The following STK24 variants were observed in gnomAD, a reference collection of about 807,000 sequenced individuals.
STK24 encodes serine/threonine kinase 24.
STK24 carries 21 observed loss-of-function variants against 55.6 expected under a neutral mutation model. The observed-to-expected ratio is 0.38, with a 90% CI of 0.27 to 0.54. The LOEUF (loss-of-function observed/expected upper bound fraction) is 0.54. Ranked by LOEUF, STK24 falls within the 20% of genes least tolerant of loss-of-function variation. The probability of loss-of-function intolerance (pLI) is 0.79; values close to 1 mark genes in which losing one functional copy is unlikely to be tolerated. For missense variants in STK24, 383 were observed against 538.4 expected, an observed-to-expected ratio of 0.71 and a Z score of 2.86; for synonymous variants, 200 against 215.2, an observed-to-expected ratio of 0.93 and a Z score of 0.62.
chr13:98,445,848 G>A lies in STK24; in HGVS notation c.*7325C>T. On this transcript the variant is annotated 3_prime_UTR_variant, in exon 11 of 11. Transcript: ENST00000539966. ...TGTGTTCTAAGGTACTGGTAGTCAG[G>A]ACCTCAACGTGTCTTTTGGGGGGAC... 5.2e-6 allele frequency: 2 copies of A among 386,760 alleles called. 1 individual carries two copies. The highest frequency in any genetic ancestry group is 5.4e-5 in the South Asian group (2 of 37,098). 24.0% of individuals were successfully genotyped at this position (386,760 alleles called of 1,614,324 possible).
chr13:98,482,356 A>C, intron 2 of STK24, 35 bp from the exon 3 acceptor site: 1 of 1,366,804 alleles, frequency 7.3e-7, no homozygotes, highest in Non-Finnish European at 1.0e-6. Flanking sequence ...ATCATTTTCA[A>C]AATGAATCCA....
chr13:98,559,639 A>T (rs1224315811), intron 1 of STK24, among the ~76,000 whole-genome samples: 2 of 152,224 alleles, frequency 1.3e-5, no homozygotes, highest in Non-Finnish European at 2.9e-5. Flanking sequence ...AAAATAGCAA[A>T]GATCTTTACA....
At chr13:98,461,054 A>AAGAGAGAG (rs71292876) in intron 8 of STK24, among the ~76,000 whole-genome samples, 6 of 143,750 alleles carry the variant, frequency 4.2e-5, no homozygotes, top group Non-Finnish European at 6.1e-5. Flanking sequence ...AAAAAAAAAA[A>AAGAGAGAG]AGAGAGAGAG....
intron 1 of STK24, among the ~76,000 whole-genome samples, chr13:98,562,500 A>G (rs1371996520): frequency 7.9e-5 from 12 of 152,232 alleles, no homozygotes; most frequent in Non-Finnish European, 1.6e-4. Flanking sequence ...ATAAAATGAC[A>G]AACTCAAGAA....
chr13:98,514,252 C>T (rs1192825422), intron 2 of STK24, among the ~76,000 whole-genome samples: 17 of 152,232 alleles, frequency 1.1e-4, no homozygotes, highest in African/African-American at 7.2e-5. Context: ...ACAGCAGCCT[C>T]GTTCATGGAG....
intron 1 of STK24, among the ~76,000 whole-genome samples, chr13:98,567,872 C>G (rs1897626719): frequency 7.0e-6 from 1 of 143,794 alleles, no homozygotes; most frequent in African/African-American, 2.7e-5. Context: ...CACCACATAC[C>G]TGAAACAGAG....
chr13:98,550,544 C>A (rs563424571), intron 1 of STK24, among the ~76,000 whole-genome samples: 2 of 152,114 alleles, frequency 1.3e-5, no homozygotes, highest in Admixed American at 1.3e-4. Flanking sequence ...ACAACAACAA[C>A]AAAAAGGAAT....
intron 2 of STK24, among the ~76,000 whole-genome samples, chr13:98,485,783 T>C (rs1451407433): frequency 6.6e-6 from 1 of 152,184 alleles, no homozygotes; most frequent in Admixed American, 6.5e-5. Flanking sequence ...GGTTTCAGGT[T>C]TGCAAGCATT....
At chr13:98,508,624 G>T (rs1895776973) in intron 2 of STK24, among the ~76,000 whole-genome samples, 1 of 152,100 alleles carries the variant, frequency 6.6e-6, no homozygotes, top group Admixed American at 6.5e-5. Context: ...AGGAACAGGG[G>T]GTATTTTAAA....
At chr13:98,501,260 G>A (rs1326748715) in intron 2 of STK24, among the ~76,000 whole-genome samples, 7 of 152,178 alleles carry the variant, frequency 4.6e-5, no homozygotes, top group East Asian at 1.9e-4. Flanking sequence ...GAGGGGAATC[G>A]CCCTGAACCT....
chr13:98,463,679 G>T lies in STK24; in HGVS notation c.929+12C>A, dbSNP rs184780246. On this transcript the variant is annotated intron_variant, in intron 7 of 10. Coordinates refer to ENST00000539966, the MANE Select transcript of STK24 (RefSeq NM_001032296.4). ...CCACACACATGCTTGGGTCACTCAG[G>T]GGCCGACTTACGCGTCGGAATCCTC... 1.4e-5 allele frequency: 22 copies of T among 1,612,550 alleles called. No homozygotes were observed. In the East Asian group the frequency reaches 4.9e-4, roughly 36 times the overall value.
At chr13:98,568,068 C>T (rs1450145924) in intron 1 of STK24, among the ~76,000 whole-genome samples, 2 of 151,546 alleles carry the variant, frequency 1.3e-5, no homozygotes, top group African/African-American at 4.9e-5. Context: ...GGCGCGATCT[C>T]GGCTCCCTGC....
intron 1 of STK24, among the ~76,000 whole-genome samples, chr13:98,524,574 G>A (rs992849883): frequency 2.0e-5 from 3 of 152,148 alleles, no homozygotes; most frequent in South Asian, 2.1e-4. Context: ...TCAGCCAGGC[G>A]GGTGGAAAAA....
chr13:98,520,319 C>T (rs1268452341), intron 1 of STK24, among the ~76,000 whole-genome samples: 1 of 152,202 alleles, frequency 6.6e-6, no homozygotes, highest in Non-Finnish European at 1.5e-5. Context: ...AACTGCCCAG[C>T]TCAAAATGCC....
chr13:98,460,877 TAA>T (rs138653586), intron 8 of STK24, among the ~76,000 whole-genome samples: 27 of 144,418 alleles, frequency 1.9e-4, no homozygotes, highest in African/African-American at 4.9e-4. Flanking sequence ...ATGTTTCTAT[TAA>T]AAAAAAAAAA....
intron 2 of STK24, among the ~76,000 whole-genome samples, chr13:98,515,755 A>C (rs1896035694): frequency 6.6e-6 from 1 of 152,148 alleles, no homozygotes; most frequent in Admixed American, 6.5e-5. Flanking sequence ...TAATTATGAG[A>C]CCTGTGAATG....
At chr13:98,576,322 G>A in intron 1 of STK24, 4 of 720,094 alleles carry the variant, frequency 5.6e-6, no homozygotes, top group Non-Finnish European at 6.8e-6. Flanking sequence ...ACGAGCCTGG[G>A]GGACGCGTCC....
At chr13:98,469,546 A>C (rs553358916) in intron 5 of STK24, among the ~76,000 whole-genome samples, 1,164 of 69,840 alleles carry the variant, frequency 0.017, 13 homozygotes, top group African/African-American at 0.04. Flanking sequence ...CCCCCCCCCA[A>C]AAAAAAAAGG....
chr13:98,576,664 G>T, intron 1 of STK24, 81 bp downstream of exon 1: 2 of 1,264,244 alleles, frequency 1.6e-6, no homozygotes, highest in Admixed American at 2.6e-5. Flanking sequence ...GCTGAGCGTA[G>T]GGGGACGCCG....
Sources: gnomAD v4.1 joint callset for allele counts (sites outside exome capture counted in the v4.1 genomes callset) on GRCh38, gnomAD v4.1.1 for gene constraint, MANE v1.5 for transcripts, NCBI Gene and HGNC (gene_info 2026-07-23, HGNC 2026-07-21) for gene names.